Variants in XRN1 observed in about 807,000 individuals in gnomAD.
XRN1 encodes the protein 5'-3' exoribonuclease 1.
A neutral mutation model predicts 222.3 loss-of-function variants in XRN1; 67 were observed. The observed-to-expected ratio is 0.30, with a 90% confidence interval of 0.25 to 0.37. The LOEUF is 0.37. Among genes scored for constraint, XRN1 ranks in the 10% least tolerant of loss-of-function variants. The probability of loss-of-function intolerance (pLI) is 1.00; values close to 1 mark genes in which losing one functional copy is unlikely to be tolerated. For missense variants in XRN1, 1,707 were observed against 2,000.2 expected (o/e 0.85, Z 2.80); for synonymous variants, 643 against 652.4 (o/e 0.99, Z 0.22).
At position 142,318,883 on chromosome 3, in the gene XRN1, T is replaced by C. The variant is rs1457462921; in HGVS notation, c.4425A>G (p.Val1475=). 3 of 1,613,664 alleles carry C rather than the reference T, an allele frequency of 1.9e-6. No homozygotes were observed. Among genetic ancestry groups the C allele is most frequent in the South Asian group, 1.1e-5 (1 of 91,076 alleles). ...RMPQTMTVCQ[V]KLSNGLLVHG... The stretch of plus-strand genomic sequence containing the variant: ...GTACCAGTAAGCCATTAGATAATTT[T>C]ACTTGGCAAACGGTCATTGTCTAAA... The change falls in exon 38 of 41, where the codon GTA becomes GTG. Residue 1475 remains valine (V), a synonymous_variant. Transcript: ENST00000392981.
intron 33 of XRN1, among the ~76,000 whole-genome samples, chr3:142,346,718 T>G (rs1017307179): frequency 2.0e-5 from 3 of 152,162 alleles, no homozygotes; most frequent in Admixed American, 1.3e-4. Flanking sequence ...TGGGCTCAAG[T>G]GATCTGCCTG....
chr3:142,375,981 C>A (rs764719498), intron 24 of XRN1, 37 bp from the exon 25 acceptor site: 1 of 1,498,878 alleles, frequency 6.7e-7, no homozygotes, highest in Non-Finnish European at 8.9e-7. Context: ...CGTGCACACA[C>A]ACACACACAC....
At chr3:142,378,198 G>A (rs2067198244) in intron 23 of XRN1, among the ~76,000 whole-genome samples, 1 of 152,184 alleles carries the variant, frequency 6.6e-6, no homozygotes, top group Non-Finnish European at 1.5e-5. Context: ...CAGGAGAAAG[G>A]AAAGCCACTG....
chr3:142,371,319 T>C lies in XRN1; in HGVS notation c.2988A>G (p.Glu996=), dbSNP rs764195132. 6.2e-7 allele frequency: 1 copy of C among 1,611,618 alleles called. No homozygotes were observed. The highest frequency in any genetic ancestry group is 1.3e-5 in the African/African-American group (1 of 74,948). Residue 996 remains glutamate, a synonymous_variant, in exon 26 of 41, where the codon GAA becomes GAG. Coordinates refer to ENST00000392981, the MANE Select transcript of XRN1 (RefSeq NM_001282857.2). ...LLAEYLERAP[E]LFSYIAKNSQ... Reference sequence around the variant, plus strand: ...TATTTTTGGCTATATAACTAAATAGTTCTGGAGCTCTGGTCAAACAAACAA... The same window carrying C: ...TATTTTTGGCTATATAACTAAATAGCTCTGGAGCTCTGGTCAAACAAACAA...
intron 10 of XRN1, among the ~76,000 whole-genome samples, chr3:142,419,324 G>A (rs1165946011): frequency 6.7e-6 from 1 of 150,116 alleles, no homozygotes; most frequent in East Asian, 1.9e-4. Context: ...CTTAGGGGGG[G>A]AAAAAAAAAG....
At chr3:142,363,188 C>T (rs192420896) in intron 29 of XRN1, among the ~76,000 whole-genome samples, 1 of 151,150 alleles carries the variant, frequency 6.6e-6, no homozygotes, top group East Asian at 1.9e-4. Context: ...TTTATGTCTT[C>T]AATTCATTTT....
chr3:142,383,817 AT>A (rs1193666275), intron 21 of XRN1, among the ~76,000 whole-genome samples: 1 of 152,194 alleles, frequency 6.6e-6, no homozygotes, highest in Non-Finnish European at 1.5e-5. Context: ...ACTTAAAAAA[AT>A]TTTTGTCCTC....
chr3:142,402,219 G>A (rs560041058), intron 18 of XRN1, among the ~76,000 whole-genome samples: 7 of 151,386 alleles, frequency 4.6e-5, no homozygotes, highest in African/African-American at 1.5e-4. Context: ...TTTCGCTCTT[G>A]TCACCCAGGC....
intron 5 of XRN1, among the ~76,000 whole-genome samples, chr3:142,424,363 T>C (rs1168119478): frequency 2.6e-5 from 4 of 152,210 alleles, no homozygotes; most frequent in Non-Finnish European, 5.9e-5. Context: ...CCCAAAGAGA[T>C]GGGATTACAG....
intron 20 of XRN1, among the ~76,000 whole-genome samples, chr3:142,388,768 A>G (rs2067603707): frequency 6.6e-6 from 1 of 152,234 alleles, no homozygotes; most frequent in Non-Finnish European, 1.5e-5. Flanking sequence ...TCCAACTTGG[A>G]GTCAATGCTC....
Position 142,358,075 on chromosome 3 carries a change from C to CA in XRN1, c.3465-957dup, listed in dbSNP as rs1360187028. ...ACAACAACAAAAACAAAAACAAAAA[C>CA]AAAAAAACGAAAACTATGGTTTGGG... On this transcript the variant is annotated intron_variant, in intron 30 of 40. Coordinates refer to ENST00000392981, the MANE Select transcript of XRN1 (RefSeq NM_001282857.2). Among the ~76,000 whole-genome samples the CA allele has an allele frequency of 3.3e-5, 5 of 151,894 alleles. No individual in the cohort carries two copies. The South Asian group carries it at 8.4e-4, about 25-fold the overall frequency.
In XRN1 at chr3:142,380,199, C is replaced by A; in HGVS notation, c.2617-19G>T. On this transcript the variant is annotated intron_variant, in intron 22 of 40. Coordinates refer to ENST00000392981, the MANE Select transcript of XRN1 (RefSeq NM_001282857.2). ...CCTGAACCTTAGAAGAAAAAAAAATCACAGTATAGTCTCTTTCAGTACATT... is the reference window on the plus strand; with the variant it reads ...CCTGAACCTTAGAAGAAAAAAAAATAACAGTATAGTCTCTTTCAGTACATT... The A allele has an allele frequency of 1.3e-6, 2 of 1,576,452 alleles. No individual in the cohort carries two copies. The highest frequency in any genetic ancestry group is 1.7e-6 in the Non-Finnish European group (2 of 1,147,058).
At chr3:142,383,784 C>A (rs560211665) in intron 21 of XRN1, among the ~76,000 whole-genome samples, 1 of 152,066 alleles carries the variant, frequency 6.6e-6, no homozygotes, top group Non-Finnish European at 1.5e-5. Flanking sequence ...ACTATAACAC[C>A]CCAAATTACA....
chr3:142,343,180 A>C (rs2066044909), intron 33 of XRN1, among the ~76,000 whole-genome samples: 1 of 152,134 alleles, frequency 6.6e-6, no homozygotes, highest in African/African-American at 2.4e-5. Context: ...AAAGGTGCTC[A>C]GCCAGGCGCT....
intron 33 of XRN1, among the ~76,000 whole-genome samples, chr3:142,337,086 T>C (rs1488782194): frequency 6.6e-6 from 1 of 152,114 alleles, no homozygotes; most frequent in Admixed American, 6.6e-5. Flanking sequence ...TAAAATACCA[T>C]GCATATATAA....
intron 25 of XRN1, among the ~76,000 whole-genome samples, chr3:142,373,004 A>G (rs1258060753): frequency 6.6e-6 from 1 of 152,202 alleles, no homozygotes; most frequent in Non-Finnish European, 1.5e-5. Context: ...CTTAAATATA[A>G]TTGGATATCA....
chr3:142,442,282 C>G (rs1014158417), intron 1 of XRN1, among the ~76,000 whole-genome samples: 7 of 152,264 alleles, frequency 4.6e-5, no homozygotes, highest in Admixed American at 1.3e-4. Context: ...AGGTGGCAGT[C>G]TTACACTGCC....
intron 37 of XRN1, among the ~76,000 whole-genome samples, chr3:142,325,049 T>C (rs896047475): frequency 3.9e-5 from 6 of 152,202 alleles, no homozygotes; most frequent in African/African-American, 1.2e-4. Flanking sequence ...CTCTTACATA[T>C]ACTGATATTT....
At chr3:142,438,708 G>A (rs1255101985) in intron 1 of XRN1, among the ~76,000 whole-genome samples, 7 of 152,102 alleles carry the variant, frequency 4.6e-5, no homozygotes, top group African/African-American at 1.2e-4. Context: ...CCTCTTCAAG[G>A]GGGAGAAACC....
Sources: gnomAD v4.1 joint callset for allele counts (sites outside exome capture counted in the v4.1 genomes callset) on GRCh38, gnomAD v4.1.1 for gene constraint, MANE v1.5 for transcripts, NCBI Gene and HGNC (gene_info 2026-07-23, HGNC 2026-07-21) for gene names.